The following TJP2 variants were observed in gnomAD, a reference collection of about 807,000 sequenced individuals.
TJP2 encodes tight junction protein 2.
Under a neutral mutation model 133.1 loss-of-function variants are expected in TJP2, and 91 were observed. The observed-to-expected ratio is 0.68, with a 90% confidence interval of 0.58 to 0.81. The LOEUF is 0.81. Ranked by LOEUF, TJP2 falls within the 40% of genes least tolerant of loss-of-function variation. The pLI, the probability that TJP2 is intolerant of heterozygous loss-of-function variation, is 0.00. For missense variants in TJP2, 1,541 were observed against 1,565.6 expected (o/e 0.98, Z 0.26); for synonymous variants, 592 against 583.4 (o/e 1.01, Z -0.21).
chr9:69,254,100 A>G, intron 22 of TJP2, 109 bp from the exon 23 acceptor site: 1 of 1,263,928 alleles, frequency 7.9e-7, no homozygotes, highest in Middle Eastern at 2.4e-4. Flanking sequence ...GCTCAGAGGT[A>G]AGTGATCTGC....
At chr9:69,184,088 C>A (rs962679119) in intron 1 of TJP2, among the ~76,000 whole-genome samples, 3 of 152,160 alleles carry the variant, frequency 2.0e-5, no homozygotes, top group African/African-American at 7.2e-5. Flanking sequence ...TTTTGTCCTG[C>A]CACTTGCTTG....
rs149403224 is a variant in TJP2, at chr9:69,128,878, A to T, written c.-131+7153A>T. Among the ~76,000 whole-genome samples, 23 of 152,320 alleles carry T rather than the reference A, an allele frequency of 1.5e-4. No homozygotes were observed. In the East Asian group the frequency reaches 2.7e-3, roughly 18 times the overall value. On this transcript the variant is annotated intron_variant, in intron 1 of 5. Coordinates refer to the TJP2 transcript ENST00000423935. Reference sequence around the variant, plus strand: ...CTTGATTCTTTTCCAAGGGAAAAGGACATAGGGAAAGAGGAAATTCTGTTT... The same window carrying T: ...CTTGATTCTTTTCCAAGGGAAAAGGTCATAGGGAAAGAGGAAATTCTGTTT...
chr9:69,136,043 C>G (rs1159515287), intron 1 of TJP2, among the ~76,000 whole-genome samples: 1 of 152,036 alleles, frequency 6.6e-6, no homozygotes, highest in Non-Finnish European at 1.5e-5. Context: ...GACATCATAC[C>G]TACCTTTTAG....
In TJP2 at chr9:69,165,264, A is replaced by T. The variant is rs12341215; in HGVS notation, c.-10+13493A>T. Among the ~76,000 whole-genome samples the T allele has an allele frequency of 9.4e-3, 1,430 of 152,216 alleles. 30 individuals are homozygous for T. The highest frequency in any genetic ancestry group is 0.032 in the African/African-American group (1,310 of 41,522). Reference sequence around the variant, plus strand: ...TGTCTCAGCCTCTGGAGTAGCTGGGACTTCAGGTGTGTGCCATCACGCTAG... The same window carrying T: ...TGTCTCAGCCTCTGGAGTAGCTGGGTCTTCAGGTGTGTGCCATCACGCTAG... On this transcript the variant is annotated intron_variant, in intron 2 of 5. Transcript: ENST00000423935.
In TJP2 at chr9:69,218,344, G is replaced by A. The variant is rs1828548560; in HGVS notation, c.327G>A (p.Gly109=). 2 of 1,614,030 alleles carry A rather than the reference G, an allele frequency of 1.2e-6. No individual in the cohort carries two copies. Among genetic ancestry groups the A allele is most frequent in the South Asian group, 2.2e-5 (2 of 91,086 alleles). Residue 109 remains glycine, a synonymous_variant, in exon 4 of 23, where the codon GGG becomes GGA. Coordinates refer to ENST00000377245, the MANE Select transcript of TJP2 (RefSeq NM_004817.4). ...CAGTTCAGCAGCTCAGAAAAAGTGG[G>A]AAGGTCGCTGCTATTGTAAGTACTG... is the stretch of plus-strand genomic sequence containing the variant. The part of the protein sequence containing the change: ...SFAVQQLRKS[G]KVAAIVVKRP...
At chr9:69,237,337 A>C (rs1222061961) in intron 14 of TJP2, among the ~76,000 whole-genome samples, 1 of 152,216 alleles carries the variant, frequency 6.6e-6, no homozygotes, top group Non-Finnish European at 1.5e-5. Flanking sequence ...TTATTTCTGC[A>C]ACTTAAAAAA....
At chr9:69,234,637 C>T (rs753722127) in intron 12 of TJP2, 90 bp downstream of exon 12, 33 of 994,300 alleles carry the variant, frequency 3.3e-5, no homozygotes, top group African/African-American at 4.9e-5. Flanking sequence ...ATAGGCAAAT[C>T]TGGGTATTAA....
rs187809571 is a variant in TJP2, at chr9:69,196,726, C to T, written c.61-15822C>T. ...GCCATCACCACAATTCATTTTAGAACATTTTCTTCACCCCAAAAGGAAACT... is the reference window on the plus strand; with the variant it reads ...GCCATCACCACAATTCATTTTAGAATATTTTCTTCACCCCAAAAGGAAACT... On this transcript the variant is annotated intron_variant, in intron 1 of 22. Coordinates refer to ENST00000377245, the MANE Select transcript of TJP2 (RefSeq NM_004817.4). 2.1e-3 allele frequency among the ~76,000 whole-genome samples: 314 copies of T among 152,134 alleles called. 3 individuals carry two copies. Among genetic ancestry groups the T allele is most frequent in the African/African-American group, 7.4e-3 (305 of 41,490 alleles).
At chr9:69,155,609 G>A (rs1417906885) in intron 2 of TJP2, among the ~76,000 whole-genome samples, 3 of 152,252 alleles carry the variant, frequency 2.0e-5, no homozygotes, top group Non-Finnish European at 2.9e-5. Context: ...GCATGGGCTT[G>A]TTTACAGATG....
intron 5 of TJP2, among the ~76,000 whole-genome samples, chr9:69,223,996 G>T (rs1829121468): frequency 6.6e-6 from 1 of 152,104 alleles, no homozygotes; most frequent in South Asian, 2.1e-4. Flanking sequence ...GCTCTGTTGT[G>T]GTAGTTTCCT....
intron 1 of TJP2, among the ~76,000 whole-genome samples, chr9:69,141,987 A>C (rs894397672): frequency 6.6e-6 from 1 of 152,248 alleles, no homozygotes; most frequent in African/African-American, 2.4e-5. Context: ...GTTCAAGGTC[A>C]CCAGGTCTTA....
upstream of TJP2, among the ~76,000 whole-genome samples, chr9:69,169,373 G>GGT (rs1564397574): frequency 1.3e-4 from 20 of 149,536 alleles, no homozygotes; most frequent in African/African-American, 4.4e-4. Context: ...TTTTTTTGGG[G>GGT]GGGGGATGGA....
intron 9 of TJP2, among the ~76,000 whole-genome samples, chr9:69,228,970 C>A (rs1829557344): frequency 2.6e-5 from 4 of 151,272 alleles, no homozygotes. Flanking sequence ...GTACACCTTG[C>A]ATTTTAGAGG....
intron 2 of TJP2, among the ~76,000 whole-genome samples, chr9:69,163,913 TG>T (rs914758549): frequency 6.6e-6 from 1 of 152,088 alleles, no homozygotes; most frequent in Non-Finnish European, 1.5e-5. Context: ...GAGAATCACC[TG>T]GGGGGGCATG....
intron 2 of TJP2, among the ~76,000 whole-genome samples, chr9:69,154,191 A>C (rs774119817): frequency 1.1e-4 from 17 of 152,214 alleles, no homozygotes; most frequent in Non-Finnish European, 2.4e-4. Context: ...TTGAAGACTT[A>C]ACTCCTTAAC....
intron 1 of TJP2, among the ~76,000 whole-genome samples, chr9:69,186,543 T>C (rs1184154163): frequency 1.3e-5 from 2 of 152,216 alleles, no homozygotes; most frequent in East Asian, 3.8e-4. Context: ...CGGCCAGGGC[T>C]AACAATGGAT....
At position 69,235,544 on chromosome 9, in the gene TJP2, G is replaced by C. The variant is rs186272307; in HGVS notation, c.1781-484G>C. Among the ~76,000 whole-genome samples the C allele has an allele frequency of 2.9e-4, 44 of 151,972 alleles. No homozygotes were observed. In the East Asian group the frequency reaches 7.2e-3, roughly 25 times the overall value. On this transcript the variant is annotated intron_variant, in intron 12 of 22. Transcript: ENST00000377245. ...TCACTGTGTTAGCCAGGATGGTCTC[G>C]ATCTCCTGACCTTGTGATCCACCCA...
At chr9:69,198,405 G>A (rs996645340) in intron 1 of TJP2, among the ~76,000 whole-genome samples, 8 of 152,184 alleles carry the variant, frequency 5.3e-5, no homozygotes, top group Admixed American at 5.2e-4. Flanking sequence ...GCCTCCCAAG[G>A]TGCTGGGATT....
chr9:69,239,907 T>G, intron 16 of TJP2, 30 bp from the exon 17 acceptor site: 1 of 1,561,142 alleles, frequency 6.4e-7, no homozygotes, highest in Non-Finnish European at 8.8e-7. Flanking sequence ...TATATATCCA[T>G]TTCTCTAACT....
Sources: allele counts gnomAD v4.1 joint callset (sites outside exome capture counted in the v4.1 genomes callset), GRCh38; gene constraint gnomAD v4.1.1; transcripts MANE v1.5; gene names NCBI Gene and HGNC (gene_info 2026-07-23, HGNC 2026-07-21).